PPFIA2: variants seen among roughly 807,000 people sequenced by gnomAD.
The protein encoded by PPFIA2 is liprin-alpha-2.
A neutral mutation model predicts 175.5 loss-of-function variants in PPFIA2; 46 were observed. That is an observed-to-expected ratio of 0.26 (90% CI 0.21 to 0.34). The LOEUF is 0.34. Among genes scored for constraint, PPFIA2 ranks in the 10% least tolerant of loss-of-function variants. The pLI is 1.00. For missense variants in PPFIA2, 1,179 were observed against 1,506.1 expected, an observed-to-expected ratio of 0.78 and a Z score of 3.60; for synonymous variants, 568 against 511.4, an observed-to-expected ratio of 1.11 and a Z score of -1.49.
At chr12:81,599,567 C>T (rs1410074742) in intron 4 of PPFIA2, among the ~76,000 whole-genome samples, 2 of 151,860 alleles carry the variant, frequency 1.3e-5, no homozygotes, top group African/African-American at 4.8e-5. Flanking sequence ...CCTGTATGTC[C>T]TTCATTCAGT....
rs1194250826 is a variant in PPFIA2, at chr12:81,642,705, T to C, written c.303+34086A>G. Among the ~76,000 whole-genome samples, 25 of 35,994 alleles carry C rather than the reference T, an allele frequency of 6.9e-4. 3 individuals carry two copies. Among genetic ancestry groups the C allele is most frequent in the East Asian group, 6.1e-3 (6 of 990 alleles). The allele number at this position is 35,994 out of a possible 152,430, so 23.6% of individuals were successfully genotyped here. On this transcript the variant is annotated intron_variant, in intron 4 of 32. Coordinates refer to ENST00000549396, the MANE Select transcript of PPFIA2 (RefSeq NM_003625.5). ...TATCTATTATATACATACATGTATATGTATGTATGTATTATATACATACAT... is the reference window on the plus strand; with the variant it reads ...TATCTATTATATACATACATGTATACGTATGTATGTATTATATACATACAT...
intron 28 of PPFIA2, among the ~76,000 whole-genome samples, chr12:81,273,220 T>C (rs2039608361): frequency 6.6e-6 from 1 of 152,200 alleles, no homozygotes; most frequent in African/African-American, 2.4e-5. Context: ...AGGAGTATTG[T>C]ATAAATGGTC....
At chr12:81,540,332 A>G (rs2066013763) in intron 4 of PPFIA2, among the ~76,000 whole-genome samples, 1 of 152,056 alleles carries the variant, frequency 6.6e-6, no homozygotes, top group African/African-American at 2.4e-5. Flanking sequence ...TTTTATATCA[A>G]TTCAACAACT....
rs796804544 is a variant in PPFIA2 at position 81,387,351 on chromosome 12, T to C, written c.763-3107A>G. The stretch of plus-strand genomic sequence containing the variant: ...GTGATTTTTATTGCACAATATTGCA[T>C]AGTTCATGATATTTAGGAATGCAAA... On this transcript the variant is annotated intron_variant, in intron 8 of 32. Transcript: ENST00000549396. 3.3e-5 allele frequency among the ~76,000 whole-genome samples: 5 copies of C among 152,252 alleles called. No homozygotes were observed. The East Asian group carries it at 7.7e-4, about 24-fold the overall frequency.
At chr12:81,457,297 C>T (rs556591583) in intron 5 of PPFIA2, among the ~76,000 whole-genome samples, 359 of 144,698 alleles carry the variant, frequency 2.5e-3, no homozygotes, top group African/African-American at 7.1e-3. Flanking sequence ...TTTTTTTTTT[C>T]CTTTTTAAAA....
chr12:81,596,615 A>T (rs1386690856), intron 4 of PPFIA2, among the ~76,000 whole-genome samples: 3 of 152,120 alleles, frequency 2.0e-5, no homozygotes, highest in Non-Finnish European at 2.9e-5. Flanking sequence ...AGCATATGGA[A>T]TGAACTGACC....
chr12:81,660,613 A>G (rs1202113280), intron 4 of PPFIA2, among the ~76,000 whole-genome samples: 2 of 152,224 alleles, frequency 1.3e-5, no homozygotes, highest in African/African-American at 4.8e-5. Flanking sequence ...ACCAAGTTGG[A>G]AAACACTCTG....
chr12:81,756,511 A>G lies in PPFIA2; in HGVS notation c.-3+1889T>C, dbSNP rs1038229478. On this transcript the variant is annotated intron_variant, in intron 2 of 32. Transcript: ENST00000549396. ...GTCTTCGATTTAGTCAAAAGATGCT[A>G]TGATGAAAAGTGGCTTAGGGACTTA... Among the ~76,000 whole-genome samples the G allele has an allele frequency of 1.3e-4, 20 of 152,246 alleles. 1 individual carries two copies. Among genetic ancestry groups the G allele is most frequent in the Non-Finnish European group, 1.9e-4 (13 of 67,964 alleles).
chr12:81,639,094 A>T (rs900039910), intron 4 of PPFIA2, among the ~76,000 whole-genome samples: 2 of 152,262 alleles, frequency 1.3e-5, no homozygotes, highest in South Asian at 4.1e-4. Context: ...TGAAGGAAGT[A>T]CTTGTTATTA....
At chr12:81,367,981 T>C (rs1283799191) in intron 13 of PPFIA2, 10 of 615,252 alleles carry the variant, frequency 1.6e-5, no homozygotes, top group Non-Finnish European at 2.3e-5. Context: ...TAACTTTTTG[T>C]CAAAACATTT....
At position 81,393,093 on chromosome 12, in the gene PPFIA2, T is replaced by C. The variant is rs370471426; in HGVS notation, c.763-8849A>G. On this transcript the variant is annotated intron_variant, in intron 8 of 32. Transcript: ENST00000549396. ...TTCTTATAGCAGTCAGACTGATTCA[T>C]GGTGATCCTGTTACATTGCAGTTAA... is the stretch of plus-strand genomic sequence containing the variant. 9.9e-5 allele frequency among the ~76,000 whole-genome samples: 15 copies of C among 152,206 alleles called. No individual in the cohort carries two copies. In the East Asian group the frequency reaches 2.7e-3, roughly 27 times the overall value.
rs2065153375 is a variant in PPFIA2 at position 81,642,649 on chromosome 12, TGTATGTATCTATTATATACATACATG to T, written c.303+34116_303+34141del. Among the ~76,000 whole-genome samples, 4 of 103,608 alleles carry T rather than the reference TGTATGTATCTATTATATACATACATG, an allele frequency of 3.9e-5. 2 individuals are homozygous for T. Among genetic ancestry groups the T allele is most frequent in the Non-Finnish European group, 8.2e-5 (4 of 48,920 alleles). 68.0% of individuals were successfully genotyped at this position (103,608 alleles called of 152,430 possible). A position where few individuals can be genotyped will look rare whatever the true frequency, so the allele number is the denominator to read the frequency against. ...ACTATATATCTATTATATACATACATGTATGTATCTATTATATACATACATGTATGTATCTATTATATACATACATG... is the reference window on the plus strand; with the variant it reads ...ACTATATATCTATTATATACATACATTATGTATCTATTATATACATACATG... On this transcript the variant is annotated intron_variant, in intron 4 of 32. Transcript: ENST00000549396.
chr12:81,419,565 G>T (rs1048158744), intron 7 of PPFIA2, among the ~76,000 whole-genome samples: 4 of 151,704 alleles, frequency 2.6e-5, no homozygotes, highest in Non-Finnish European at 2.9e-5. Flanking sequence ...ACTTTTCTAA[G>T]ATGGAATCCC....
chr12:81,462,260 T>TATATATATGTTACTACC (rs2054682714), intron 4 of PPFIA2, among the ~76,000 whole-genome samples: 1 of 134,006 alleles, frequency 7.5e-6, no homozygotes, highest in Non-Finnish European at 1.5e-5. Flanking sequence ...CTAACATATA[T>TATATATATGTTACTACC]ATATATATAT....
At chr12:81,363,161 GT>G (rs1471714328) in intron 14 of PPFIA2, among the ~76,000 whole-genome samples, 1 of 151,282 alleles carries the variant, frequency 6.6e-6, no homozygotes, top group Admixed American at 6.6e-5. Context: ...TTCTATGAGG[GT>G]TAAAGGACAT....
intron 4 of PPFIA2, among the ~76,000 whole-genome samples, chr12:81,601,306 A>C (rs1567527051): frequency 6.6e-6 from 1 of 151,868 alleles, no homozygotes; most frequent in Non-Finnish European, 1.5e-5. Context: ...CGTAATTCTG[A>C]ATGTCTATTT....
intron 4 of PPFIA2, among the ~76,000 whole-genome samples, chr12:81,569,636 A>G (rs2072088756): frequency 6.6e-6 from 1 of 152,186 alleles, no homozygotes; most frequent in Admixed American, 6.5e-5. Flanking sequence ...TTAACACCAA[A>G]TAATAAACAA....
chr12:81,305,667 C>T (rs2138688731), intron 22 of PPFIA2, among the ~76,000 whole-genome samples: 1 of 152,284 alleles, frequency 6.6e-6, no homozygotes, highest in East Asian at 1.9e-4. Flanking sequence ...ATGTGCAAGA[C>T]TCTGGTAGGC....
chr12:81,325,655 T>A, intron 22 of PPFIA2, 122 bp downstream of exon 22: 1 of 643,824 alleles, frequency 1.6e-6, no homozygotes, highest in South Asian at 2.0e-5. Context: ...TTAGGTAGTA[T>A]CTGGAAAATA....
Sources: gnomAD v4.1 joint callset for allele counts (sites outside exome capture counted in the v4.1 genomes callset) on GRCh38, gnomAD v4.1.1 for gene constraint, MANE v1.5 for transcripts, NCBI Gene and HGNC (gene_info 2026-07-23, HGNC 2026-07-21) for gene names.